Variants in PTPRN2 observed in about 807,000 individuals in gnomAD.
PTPRN2 encodes receptor-type tyrosine-protein phosphatase N2.
A neutral mutation model predicts 118.8 loss-of-function variants in PTPRN2; 74 were observed. That is an observed-to-expected ratio of 0.62 (90% CI 0.52 to 0.76). The LOEUF (loss-of-function observed/expected upper bound fraction) is 0.76. Ranked by LOEUF, PTPRN2 falls within the 30% of genes least tolerant of loss-of-function variation. The pLI is 0.00. For missense variants in PTPRN2, 1,481 were observed against 1,394.4 expected (o/e 1.06, Z -0.99); for synonymous variants, 641 against 608.0 (o/e 1.05, Z -0.80).
chr7:157,547,155 A>G (rs1798362363), intron 22 of PTPRN2, among the ~76,000 whole-genome samples: 1 of 152,220 alleles, frequency 6.6e-6, no homozygotes, highest in African/African-American at 2.4e-5. Flanking sequence ...GGCTTATCCC[A>G]GAGTGGGCCT....
chr7:157,609,108 C>T lies in PTPRN2; in HGVS notation c.2345-5033G>A, dbSNP rs1265082905. 1.3e-5 allele frequency among the ~76,000 whole-genome samples: 2 copies of T among 152,156 alleles called. No homozygotes were observed. Among genetic ancestry groups the T allele is most frequent in the Non-Finnish European group, 2.9e-5 (2 of 68,032 alleles). ...TTGTTCAACAATATTTCAGGCCGGCCGCGGTGGCTCACACCTATAATCCCA... is the reference window on the plus strand; with the variant it reads ...TTGTTCAACAATATTTCAGGCCGGCTGCGGTGGCTCACACCTATAATCCCA... On this transcript the variant is annotated intron_variant, in intron 15 of 22. Transcript: ENST00000389418. This position sits in a 1 kb window ranked among gnomAD's most constrained non-coding sequence, Gnocchi z 4.9.
At chr7:158,558,105 C>T (rs937295395) in intron 1 of PTPRN2, among the ~76,000 whole-genome samples, 2 of 152,162 alleles carry the variant, frequency 1.3e-5, no homozygotes, top group Non-Finnish European at 2.9e-5. Context: ...CTGCCTCAGC[C>T]TCCCAAGGAG....
Position 157,990,193 on chromosome 7 carries a change from C to T in PTPRN2, c.1723+91105G>A, listed in dbSNP as rs570287009. ...ATGTGAGTGCGAGCCCAGGGCAGAG[C>T]GGGCCCAGATAAATAATTCATGAGC... On this transcript the variant is annotated intron_variant, in intron 11 of 22. Transcript: ENST00000389418. The surrounding 1 kb of genome is among the most constrained non-coding windows in gnomAD (Gnocchi z 4.3). Among the ~76,000 whole-genome samples the T allele has an allele frequency of 9.2e-5, 14 of 151,796 alleles. No individual in the cohort carries two copies. In the East Asian group the frequency reaches 1.4e-3, roughly 15 times the overall value.
At chr7:157,699,974 A>C (rs1797988457) in intron 12 of PTPRN2, among the ~76,000 whole-genome samples, 3 of 152,322 alleles carry the variant, frequency 2.0e-5, no homozygotes, top group Admixed American at 2.0e-4. Context: ...TAAAACCCTC[A>C]TGAATCTGCC....
At chr7:158,020,110 A>G (rs1806761160) in intron 11 of PTPRN2, among the ~76,000 whole-genome samples, 1 of 152,078 alleles carries the variant, frequency 6.6e-6, no homozygotes, top group African/African-American at 2.4e-5. Flanking sequence ...CATGGTTTGA[A>G]CTCAGGAGCA....
chr7:158,453,327 T>C (rs12531316), intron 2 of PTPRN2, among the ~76,000 whole-genome samples: 12 of 37,058 alleles, frequency 3.2e-4, no homozygotes, highest in East Asian at 8.5e-4. Context: ...CCTCACCGTA[T>C]GGTGCAGGGG....
intron 2 of PTPRN2, among the ~76,000 whole-genome samples, chr7:158,383,059 C>A (rs942752808): frequency 3.3e-5 from 5 of 152,082 alleles, no homozygotes; most frequent in Non-Finnish European, 7.3e-5. Flanking sequence ...CGTCAGTATC[C>A]CACAGTACAT....
chr7:158,281,602 C>T (rs950934912), intron 3 of PTPRN2, among the ~76,000 whole-genome samples: 8 of 152,244 alleles, frequency 5.3e-5, no homozygotes, highest in Non-Finnish European at 8.8e-5. Context: ...TGGTGCCCTG[C>T]GCATTTGTGC....
chr7:157,773,677 C>A (rs1180884886), intron 12 of PTPRN2, among the ~76,000 whole-genome samples: 1 of 152,254 alleles, frequency 6.6e-6, no homozygotes, highest in South Asian at 2.1e-4. Context: ...GTCTGTGTTG[C>A]CTCTGTTCCT....
intron 2 of PTPRN2, among the ~76,000 whole-genome samples, chr7:158,353,590 T>G (rs1018527519): frequency 2.6e-5 from 4 of 152,076 alleles, no homozygotes; most frequent in East Asian, 1.9e-4. Flanking sequence ...AAACATGCAG[T>G]GCTGAGATGC....
intron 12 of PTPRN2, 104 bp from the exon 13 acceptor site, chr7:157,683,041 A>G: frequency 9.6e-7 from 1 of 1,036,864 alleles, no homozygotes; most frequent in Non-Finnish European, 1.4e-6. Flanking sequence ...TCAGCCCCAC[A>G]GGACGCTGTG....
At chr7:157,878,489 C>T (rs987014562) in intron 12 of PTPRN2, among the ~76,000 whole-genome samples, 3 of 145,636 alleles carry the variant, frequency 2.1e-5, no homozygotes, top group Admixed American at 6.8e-5. Context: ...AGTGTGATAC[C>T]GTGCACCCAC....
At chr7:158,303,232 G>T (rs1801026676) in intron 3 of PTPRN2, among the ~76,000 whole-genome samples, 1 of 151,582 alleles carries the variant, frequency 6.6e-6, no homozygotes. Flanking sequence ...GTGATCCTGA[G>T]AACAACATTT....
At chr7:158,381,942 C>T (rs758602140) in intron 2 of PTPRN2, among the ~76,000 whole-genome samples, 2 of 152,140 alleles carry the variant, frequency 1.3e-5, no homozygotes, top group Non-Finnish European at 2.9e-5. Flanking sequence ...GAGAAAGACC[C>T]ACTCCCATGA....
chr7:158,218,536 A>G (rs962832499), intron 3 of PTPRN2, among the ~76,000 whole-genome samples: 4 of 152,176 alleles, frequency 2.6e-5, no homozygotes, highest in South Asian at 2.1e-4. Flanking sequence ...TCAAGTTTAC[A>G]TGAAAACCAG....
At chr7:158,341,388 C>G (rs1338795216) in intron 2 of PTPRN2, among the ~76,000 whole-genome samples, 6 of 151,280 alleles carry the variant, frequency 4.0e-5, no homozygotes, top group African/African-American at 1.2e-4. Flanking sequence ...CACCCACACT[C>G]TCACCATAAG....
chr7:158,090,977 A>C (rs965642630), intron 10 of PTPRN2, among the ~76,000 whole-genome samples: 3 of 152,224 alleles, frequency 2.0e-5, no homozygotes, highest in African/African-American at 7.2e-5. Flanking sequence ...TCTTAGACCA[A>C]CCGTCCGGTT....
intron 3 of PTPRN2, among the ~76,000 whole-genome samples, chr7:158,292,630 G>C (rs956283400): frequency 3.3e-5 from 5 of 152,234 alleles, no homozygotes; most frequent in Non-Finnish European, 7.3e-5. Context: ...CCACACACCT[G>C]GGCTGGATGG....
chr7:158,407,760 G>C (rs1813712709), intron 2 of PTPRN2, among the ~76,000 whole-genome samples: 1 of 152,218 alleles, frequency 6.6e-6, no homozygotes. Flanking sequence ...CTCAAGCAGA[G>C]CCCGGCTGCA....
Sources: allele counts gnomAD v4.1 joint callset (sites outside exome capture counted in the v4.1 genomes callset), GRCh38; gene constraint gnomAD v4.1.1; non-coding constraint Gnocchi (gnomAD v3.1); transcripts MANE v1.5; gene names NCBI Gene and HGNC (gene_info 2026-07-23, HGNC 2026-07-21).